Variants in TUBGCP4 observed in about 807,000 individuals in gnomAD.
TUBGCP4 encodes the protein tubulin gamma complex component 4.
A neutral mutation model predicts 91.6 loss-of-function variants in TUBGCP4; 54 were observed. The observed-to-expected ratio is 0.59, with a 90% CI of 0.47 to 0.74. TUBGCP4 has a LOEUF of 0.74. Ranked by LOEUF, TUBGCP4 falls within the 30% of genes least tolerant of loss-of-function variation. The pLI is 0.00. For missense variants in TUBGCP4, 593 were observed against 800.9 expected (o/e 0.74, Z 3.13); for synonymous variants, 297 against 302.8 (o/e 0.98, Z 0.20).
chr15:43,394,967 T>C, intron 9 of TUBGCP4, 140 bp from the exon 10 acceptor site: 1 of 828,292 alleles, frequency 1.2e-6, no homozygotes, highest in Non-Finnish European at 2.1e-6. Flanking sequence ...AATAATACAT[T>C]GATTGTTTTG....
chr15:43,407,879 C>CCT lies in TUBGCP4; in HGVS notation c.*2666_*2667dup. ...TAGGCCTGAGCCTTGGACCACAAGGCCTAACACCTACAGGTCTAAGGAGAT... is the reference window on the plus strand; with the variant it reads ...TAGGCCTGAGCCTTGGACCACAAGGCCTCTAACACCTACAGGTCTAAGGAGAT... On this transcript the variant is annotated 3_prime_UTR_variant, in exon 18 of 18. Coordinates refer to ENST00000564079, the MANE Select transcript of TUBGCP4 (RefSeq NM_014444.5). The CCT allele has an allele frequency of 6.6e-7, 1 of 1,513,386 alleles. No individual in the cohort carries two copies. The highest frequency in any genetic ancestry group is 8.9e-7 in the Non-Finnish European group (1 of 1,121,998). 93.7% of individuals were successfully genotyped at this position (1,513,386 alleles called of 1,614,324 possible). A position where few individuals can be genotyped will look rare whatever the true frequency, so the allele number is the denominator to read the frequency against.
chr15:43,383,598 G>C, intron 7 of TUBGCP4, 94 bp downstream of exon 7: 1 of 1,069,324 alleles, frequency 9.4e-7, no homozygotes. Context: ...TTAGCTCATA[G>C]CTGAGCACCT....
At chr15:43,383,855 C>T (rs1157822348) in intron 7 of TUBGCP4, among the ~76,000 whole-genome samples, 9 of 151,920 alleles carry the variant, frequency 5.9e-5, no homozygotes, top group Admixed American at 3.9e-4. Flanking sequence ...GGCTGGAGTG[C>T]GATGGCGCAA....
At chr15:43,378,386 C>T (rs2044239176) in intron 5 of TUBGCP4, among the ~76,000 whole-genome samples, 1 of 152,178 alleles carries the variant, frequency 6.6e-6, no homozygotes, top group Admixed American at 6.5e-5. Context: ...AGGAGAATGT[C>T]TTTCTGGGCA....
Position 43,377,034 on chromosome 15 carries a change from C to G in TUBGCP4, c.351C>G (p.Leu117=). The G allele has an allele frequency of 6.2e-7, 1 of 1,614,058 alleles. No individual in the cohort carries two copies. Among genetic ancestry groups the G allele is most frequent in the South Asian group, 1.1e-5 (1 of 91,078 alleles). ...TGCAGTTCCTGGGTGATCCCCATCTCTCCATATCACATGTCAACTACTTCC... is the reference window on the plus strand; with the variant it reads ...TGCAGTTCCTGGGTGATCCCCATCTGTCCATATCACATGTCAACTACTTCC... ...LEQEFLGDPH[L]SISHVNYFLD... The change falls in exon 4 of 18, where the codon CTC becomes CTG. Residue 117 remains leucine, a synonymous_variant. Transcript: ENST00000564079.
intron 13 of TUBGCP4, chr15:43,399,300 G>A (rs1245861711): frequency 3.0e-6 from 1 of 329,874 alleles, no homozygotes; most frequent in Non-Finnish European, 5.2e-6. Flanking sequence ...CTGTCTCAGA[G>A]GGAAGCTATT....
chr15:43,382,239 AAAAT>A (rs1168419862), intron 6 of TUBGCP4, among the ~76,000 whole-genome samples: 1 of 88,594 alleles, frequency 1.1e-5, no homozygotes, highest in African/African-American at 1.4e-4. Context: ...GAAAAAAAGA[AAAAT>A]AAAAGAAAAA....
At chr15:43,401,411 C>G (rs1404415320) in intron 14 of TUBGCP4, among the ~76,000 whole-genome samples, 7 of 149,984 alleles carry the variant, frequency 4.7e-5, no homozygotes, top group Non-Finnish European at 7.4e-5. Context: ...AGGATCGCAC[C>G]ACTGCACTCC....
chr15:43,393,000 C>A (rs1486486629), intron 9 of TUBGCP4, among the ~76,000 whole-genome samples: 1 of 152,156 alleles, frequency 6.6e-6, no homozygotes, highest in African/African-American at 2.4e-5. Context: ...TTAGTCTGCA[C>A]TTTCTAGAGT....
At chr15:43,386,185 C>G (rs558353931) in intron 8 of TUBGCP4, 21 bp from the exon 9 acceptor site, 1 of 1,596,442 alleles carries the variant, frequency 6.3e-7, no homozygotes, top group African/African-American at 1.4e-5. Context: ...CCTCCTTTGA[C>G]GGTGTCTTCC....
At chr15:43,381,096 C>T (rs561367286) in intron 6 of TUBGCP4, among the ~76,000 whole-genome samples, 10 of 152,138 alleles carry the variant, frequency 6.6e-5, no homozygotes, top group Admixed American at 2.0e-4. Flanking sequence ...TGTGAGCCAC[C>T]GCACCCGGCC....
chr15:43,394,788 G>A (rs940510624), intron 9 of TUBGCP4: 8 of 369,008 alleles, frequency 2.2e-5, no homozygotes, highest in African/African-American at 1.3e-4. Context: ...TTCCTGCCAT[G>A]TGAGACGCCT....
rs917273699 is a variant in TUBGCP4, at chr15:43,407,772, C to T, written c.*2558C>T. Reference sequence around the variant, plus strand: ...CTTGTAGAAATATTTAACAAATATACGTCCAGTGCTTCACTTATGTTGACT... The same window carrying T: ...CTTGTAGAAATATTTAACAAATATATGTCCAGTGCTTCACTTATGTTGACT... On this transcript the variant is annotated 3_prime_UTR_variant, in exon 18 of 18. Transcript: ENST00000564079. The T allele has an allele frequency of 4.0e-5, 31 of 779,742 alleles. No homozygotes were observed. The highest frequency in any genetic ancestry group is 1.4e-4 in the African/African-American group (8 of 57,646). 48.3% of individuals were successfully genotyped at this position (779,742 alleles called of 1,614,324 possible). A position where few individuals can be genotyped will look rare whatever the true frequency, so the allele number is the denominator to read the frequency against.
In TUBGCP4 at chr15:43,401,779, G is replaced by C; in HGVS notation, c.1660G>C (p.Glu554Gln). The C allele has an allele frequency of 2.5e-6, 4 of 1,614,148 alleles. No individual in the cohort carries two copies. The highest frequency in any genetic ancestry group is 3.4e-6 in the Non-Finnish European group (4 of 1,180,018). Residue 554 changes from glutamate to glutamine, a missense_variant, in exon 15 of 18, where the codon GAA becomes CAA. Glu to Gln is a conservative substitution (Grantham distance 29). Transcript: ENST00000564079. Reference protein sequence around the residue: ...LHQINSTRDFESIRLAHDHFL... With the variant: ...LHQINSTRDFQSIRLAHDHFL... ...TCAGATCAATTCTACCCGAGACTTT[G>C]AAAGCATCCGATTGGCTCATGACCA...
chr15:43,380,302 A>G, intron 6 of TUBGCP4, 139 bp downstream of exon 6: 3 of 756,262 alleles, frequency 4.0e-6, no homozygotes, highest in Non-Finnish European at 6.6e-6. Context: ...CTCCATGAGC[A>G]GAGGAGCCCA....
Position 43,386,345 on chromosome 15 carries a change from GTATATATATATATATATA to G in TUBGCP4, c.1014+31_1014+48del, listed in dbSNP as rs542775386. 1.6e-5 allele frequency: 5 copies of G among 317,720 alleles called. 1 individual carries two copies. The highest frequency in any genetic ancestry group is 8.3e-5 in the East Asian group (1 of 12,100). 19.7% of individuals were successfully genotyped at this position (317,720 alleles called of 1,614,324 possible). A position where few individuals can be genotyped will look rare whatever the true frequency, so the allele number is the denominator to read the frequency against. ...CTGTGGCTGAGGTTTGTGTTTCATC[GTATATATATATATATATA>G]TATATATATATATATTTTTTTTTTT... On this transcript the variant is annotated intron_variant, in intron 9 of 17. Coordinates refer to ENST00000564079, the MANE Select transcript of TUBGCP4 (RefSeq NM_014444.5).
In TUBGCP4 at chr15:43,397,983, G is replaced by T. The variant is rs1799997593; in HGVS notation, c.1280-58G>T. The stretch of plus-strand genomic sequence containing the variant: ...AATGTTATTCACTTGTTGAGTCTCT[G>T]GTTCTAGATTAACCAAGTTGTTATC... On this transcript the variant is annotated intron_variant, in intron 12 of 17. Transcript: ENST00000564079. 9.7e-6 allele frequency: 15 copies of T among 1,540,902 alleles called. No individual in the cohort carries two copies. The South Asian group carries it at 1.7e-4, about 18-fold the overall frequency.
intron 10 of TUBGCP4, 46 bp downstream of exon 10, chr15:43,395,203 G>A (rs2044561242): frequency 1.2e-6 from 2 of 1,602,682 alleles, no homozygotes; most frequent in Admixed American, 1.7e-5. Context: ...CTGGTAGGCA[G>A]TGACTTGCAT....
In TUBGCP4 at chr15:43,397,382, C is replaced by G. The variant is rs2044599205; in HGVS notation, c.1279+61C>G. The G allele has an allele frequency of 2.5e-6, 3 of 1,197,218 alleles. No homozygotes were observed. In the South Asian group the frequency reaches 3.7e-5, roughly 15 times the overall value. 74.2% of individuals were successfully genotyped at this position (1,197,218 alleles called of 1,614,324 possible). A position where few individuals can be genotyped will look rare whatever the true frequency, so the allele number is the denominator to read the frequency against. On this transcript the variant is annotated intron_variant, in intron 12 of 17. Coordinates refer to ENST00000564079, the MANE Select transcript of TUBGCP4 (RefSeq NM_014444.5). ...CTGGTCATCATCCATTTTCCCATCT[C>G]TGCTTCCATCCCCCGCCACAGAAAC...
Sources: gnomAD v4.1 joint callset for allele counts (sites outside exome capture counted in the v4.1 genomes callset) on GRCh38, gnomAD v4.1.1 for gene constraint, MANE v1.5 for transcripts, NCBI Gene and HGNC (gene_info 2026-07-23, HGNC 2026-07-21) for gene names.